The following PACRG variants were observed in gnomAD, a reference collection of about 807,000 sequenced individuals.
PACRG encodes the protein parkin coregulated gene protein.
In PACRG, 29 loss-of-function variants were observed where a neutral mutation model predicts 29.7. The observed-to-expected ratio is 0.98, with a 90% CI of 0.73 to 1.33. PACRG has a LOEUF of 1.33. Ranked by LOEUF, PACRG falls within the 40% of genes most tolerant of loss-of-function variation. The pLI is 0.00. For synonymous variants in PACRG, 116 were observed against 118.7 expected (o/e 0.98, Z 0.15); for missense variants, 279 against 316.2 (o/e 0.88, Z 0.89).
chr6:162,816,308 G>T (rs905615106), intron 2 of PACRG, among the ~76,000 whole-genome samples: 10 of 152,158 alleles, frequency 6.6e-5, no homozygotes, highest in Non-Finnish European at 2.9e-5. Context: ...CATTTTAATT[G>T]CATTACTGTA....
intron 4 of PACRG, among the ~76,000 whole-genome samples, chr6:163,093,775 A>T (rs1319596489): frequency 1.3e-5 from 2 of 152,256 alleles, no homozygotes; most frequent in Admixed American, 1.3e-4. Flanking sequence ...GTTTGTAGGA[A>T]TCAAATTGCT....
At chr6:163,122,915 T>C (rs539260281) in intron 4 of PACRG, among the ~76,000 whole-genome samples, 25 of 152,222 alleles carry the variant, frequency 1.6e-4, no homozygotes, top group African/African-American at 6.0e-4. Flanking sequence ...AAACTTAACA[T>C]AAGACTACTG....
chr6:163,124,767 C>A (rs1816447632), intron 4 of PACRG, among the ~76,000 whole-genome samples: 1 of 152,180 alleles, frequency 6.6e-6, no homozygotes, highest in Non-Finnish European at 1.5e-5. Context: ...AGAGGCCGTA[C>A]AGCTGGAGGG....
intron 2 of PACRG, among the ~76,000 whole-genome samples, chr6:162,885,493 A>G (rs971744048): frequency 6.7e-6 from 1 of 148,922 alleles, no homozygotes; most frequent in African/African-American, 2.4e-5. Context: ...TTGATCTCGA[A>G]CTCCTGACCT....
At chr6:162,727,711 T>A (rs576793884), upstream of PACRG, 7 of 1,555,762 alleles carry the variant, frequency 4.5e-6, no homozygotes, top group African/African-American at 1.4e-5. Flanking sequence ...AACAGGCCCA[T>A]GCGCGCAGCG....
At chr6:162,870,529 G>A (rs1303334598) in intron 2 of PACRG, among the ~76,000 whole-genome samples, 1 of 152,084 alleles carries the variant, frequency 6.6e-6, no homozygotes, top group African/African-American at 2.4e-5. Context: ...CATCACCCAA[G>A]CAGTACACAC....
At chr6:162,966,755 C>T (rs765915586) in intron 2 of PACRG, among the ~76,000 whole-genome samples, 2 of 151,866 alleles carry the variant, frequency 1.3e-5, no homozygotes, top group African/African-American at 2.4e-5. Flanking sequence ...GGATTACAGG[C>T]GTGAGCCCCC....
intron 2 of PACRG, among the ~76,000 whole-genome samples, chr6:162,816,178 A>C (rs1787323061): frequency 6.6e-6 from 1 of 152,150 alleles, no homozygotes; most frequent in African/African-American, 2.4e-5. Flanking sequence ...TGATTCAGCA[A>C]GCTAAAAAGT....
intron 4 of PACRG, among the ~76,000 whole-genome samples, chr6:163,098,067 C>T (rs1814761786): frequency 6.6e-6 from 1 of 152,124 alleles, no homozygotes; most frequent in Non-Finnish European, 1.5e-5. Flanking sequence ...TAGAGTCAGG[C>T]TGGAAAGTAA....
intron 4 of PACRG, among the ~76,000 whole-genome samples, chr6:163,233,745 A>G (rs1325739631): frequency 1.3e-5 from 2 of 150,304 alleles, no homozygotes; most frequent in South Asian, 2.1e-4. Flanking sequence ...GGTCTTAATA[A>G]CACAGAATTG....
At chr6:162,933,744 C>T (rs1221004252) in intron 2 of PACRG, among the ~76,000 whole-genome samples, 1 of 151,132 alleles carries the variant, frequency 6.6e-6, no homozygotes, top group African/African-American at 2.4e-5. Flanking sequence ...AAAGAAATAT[C>T]CAAGGCTGGG....
intron 2 of PACRG, among the ~76,000 whole-genome samples, chr6:162,989,195 A>C (rs151122079): frequency 6.6e-6 from 1 of 152,184 alleles, no homozygotes; most frequent in Non-Finnish European, 1.5e-5. Flanking sequence ...AGGACACTAC[A>C]GCTCTGACTT....
chr6:162,977,657 A>G (rs1802070422), intron 2 of PACRG, among the ~76,000 whole-genome samples: 2 of 152,236 alleles, frequency 1.3e-5, no homozygotes, highest in Middle Eastern at 6.8e-3. Context: ...AATATTTAGA[A>G]TAGTATTTCT....
chr6:162,873,220 G>GTT (rs1478473623), intron 2 of PACRG, among the ~76,000 whole-genome samples: 1 of 152,096 alleles, frequency 6.6e-6, no homozygotes, highest in African/African-American at 2.4e-5. Flanking sequence ...GTGTGTGTGT[G>GTT]TGTGTGTTTA....
intron 1 of PACRG, among the ~76,000 whole-genome samples, chr6:162,806,872 A>C (rs1786385286): frequency 6.6e-6 from 1 of 152,194 alleles, no homozygotes; most frequent in Non-Finnish European, 1.5e-5. Context: ...TAGCTTTAGC[A>C]GCCCAGTGTC....
intron 2 of PACRG, among the ~76,000 whole-genome samples, chr6:162,889,929 G>A (rs1562703201): frequency 6.6e-6 from 1 of 152,230 alleles, no homozygotes; most frequent in Admixed American, 6.5e-5. Flanking sequence ...CTGCAAAAGA[G>A]CTGAATGAGT....
At chr6:162,974,482 T>C (rs1178523311) in intron 2 of PACRG, among the ~76,000 whole-genome samples, 2 of 152,196 alleles carry the variant, frequency 1.3e-5, no homozygotes, top group Non-Finnish European at 2.9e-5. Context: ...AGAATTGTAG[T>C]CTCACCTACT....
In PACRG at chr6:162,888,637, A is replaced by G. The variant is rs192526875; in HGVS notation, c.291+74356A>G. On this transcript the variant is annotated intron_variant, in intron 2 of 4. Coordinates refer to ENST00000366888, the MANE Select transcript of PACRG (RefSeq NM_001080379.2). ...ATCTCAGCTTACAGGAAAGGTGGAG[A>G]GAAAAGGCGATCAGAGCAGAGTCCC... is the stretch of plus-strand genomic sequence containing the variant. Among the ~76,000 whole-genome samples, 154 of 152,236 alleles carry G rather than the reference A, an allele frequency of 1.0e-3. 1 individual carries two copies. Among genetic ancestry groups the G allele is most frequent in the African/African-American group, 3.4e-3 (141 of 41,542 alleles).
chr6:163,177,132 A>G (rs1779398843), intron 4 of PACRG, among the ~76,000 whole-genome samples: 1 of 152,248 alleles, frequency 6.6e-6, no homozygotes, highest in African/African-American at 2.4e-5. Flanking sequence ...AAAACAGTGC[A>G]CAGAAATAAC....
Sources: allele counts gnomAD v4.1 joint callset (sites outside exome capture counted in the v4.1 genomes callset), GRCh38; gene constraint gnomAD v4.1.1; transcripts MANE v1.5; gene names NCBI Gene and HGNC (gene_info 2026-07-23, HGNC 2026-07-21).